CHRM3: variants seen among roughly 807,000 people sequenced by gnomAD.
The protein encoded by CHRM3 is muscarinic acetylcholine receptor M3.
CHRM3 carries 11 observed loss-of-function variants against 41.8 expected under a neutral mutation model. The observed-to-expected ratio is 0.26, with a 90% confidence interval of 0.17 to 0.44. The LOEUF (loss-of-function observed/expected upper bound fraction) is 0.44. CHRM3 is among the 20% of genes least tolerant of loss of function. CHRM3 has a pLI of 1.00. For synonymous variants in CHRM3, 297 were observed against 301.4 expected, an observed-to-expected ratio of 0.99 and a Z score of 0.15; for missense variants, 571 against 745.4, an observed-to-expected ratio of 0.77 and a Z score of 2.72.
Position 239,387,549 on chromosome 1 carries a change from G to A in CHRM3, c.-521+322G>A, listed in dbSNP as rs1297263777. On this transcript the variant is annotated intron_variant, in intron 1 of 6. Coordinates refer to ENST00000676153, the MANE Select transcript of CHRM3 (RefSeq NM_001375978.1). This position sits in a 1 kb window ranked among gnomAD's most constrained non-coding sequence, Gnocchi z 5.1. ...CGAGCGGTGGCCGGGAGAGAGTCGG[G>A]GACGTCCCACCCCGCTCTCCCTCGC... is the stretch of plus-strand genomic sequence containing the variant. Among the ~76,000 whole-genome samples, 6 of 151,908 alleles carry A rather than the reference G, an allele frequency of 3.9e-5. No homozygotes were observed. The highest frequency in any genetic ancestry group is 7.4e-5 in the Non-Finnish European group (5 of 67,994).
intron 4 of CHRM3, among the ~76,000 whole-genome samples, chr1:239,669,937 A>G (rs1045547790): frequency 1.3e-5 from 2 of 152,216 alleles, no homozygotes; most frequent in Non-Finnish European, 1.5e-5. Flanking sequence ...GGATTATTTT[A>G]GAAACAAACA....
intron 1 of CHRM3, among the ~76,000 whole-genome samples, chr1:239,403,976 G>GGGGAGAGAGAGAGAGAGAGA (rs1417317293): frequency 2.2e-5 from 1 of 46,488 alleles, no homozygotes; most frequent in Non-Finnish European, 3.9e-5. Context: ...AGAGGGAGGG[G>GGGGAGAGAGAGAGAGAGAGA]GAGAGAGAGA....
intron 1 of CHRM3, among the ~76,000 whole-genome samples, chr1:239,428,177 A>T (rs1486364332): frequency 6.6e-6 from 1 of 152,230 alleles, no homozygotes; most frequent in Non-Finnish European, 1.5e-5. Flanking sequence ...CCATGACATT[A>T]TCCAAGGAAG....
intron 1 of CHRM3, among the ~76,000 whole-genome samples, chr1:239,402,674 C>T (rs1334400500): frequency 6.6e-6 from 1 of 152,124 alleles, no homozygotes; most frequent in Non-Finnish European, 1.5e-5. Flanking sequence ...AATATTAGGC[C>T]TGAAGTCCTC....
At chr1:239,848,738 C>T (rs1674473759) in intron 6 of CHRM3, among the ~76,000 whole-genome samples, 1 of 152,086 alleles carries the variant, frequency 6.6e-6, no homozygotes, top group Non-Finnish European at 1.5e-5. Context: ...GAACTCATTT[C>T]TGGAAGAGAC....
chr1:239,666,187 CCTGA>C (rs1673779412), intron 4 of CHRM3, among the ~76,000 whole-genome samples: 2 of 119,578 alleles, frequency 1.7e-5, no homozygotes, highest in African/African-American at 6.5e-5. Flanking sequence ...TCTGTTGTTG[CCTGA>C]CTTTTTTTTT....
In CHRM3 at chr1:239,913,613, A is replaced by G. The variant is rs906144112; in HGVS notation, c.*4389A>G. ...GAAAGGTTTCTAGAATGGTAACCCA[A>G]TGTTCTTTAGAACTGGAGAATTCCA... On this transcript the variant is annotated 3_prime_UTR_variant, in exon 7 of 7. Transcript: ENST00000676153. 3.0e-5 allele frequency: 5 copies of G among 167,034 alleles called. No homozygotes were observed. The highest frequency in any genetic ancestry group is 2.0e-4 in the Admixed American group (3 of 15,276). The allele number at this position is 167,034 out of a possible 1,614,324, so 10.3% of individuals were successfully genotyped here.
intron 5 of CHRM3, among the ~76,000 whole-genome samples, chr1:239,699,352 GC>G (rs1660480264): frequency 6.6e-6 from 1 of 152,012 alleles, no homozygotes; most frequent in Admixed American, 6.6e-5. Flanking sequence ...TTGGTTCAAT[GC>G]CCTCTTATAA....
chr1:239,689,711 A>T (rs1045785878), intron 5 of CHRM3, among the ~76,000 whole-genome samples: 2 of 152,202 alleles, frequency 1.3e-5, no homozygotes, highest in Admixed American at 1.3e-4. Flanking sequence ...ATTGATGCTA[A>T]CACAGCAAAT....
At chr1:239,484,463 A>T (rs948798818) in intron 1 of CHRM3, among the ~76,000 whole-genome samples, 2 of 152,182 alleles carry the variant, frequency 1.3e-5, no homozygotes, top group Non-Finnish European at 2.9e-5. Flanking sequence ...TTACATTGGA[A>T]CATGAGATTT....
intron 3 of CHRM3, among the ~76,000 whole-genome samples, chr1:239,627,598 C>T (rs1360531057): frequency 4.4e-5 from 6 of 137,536 alleles, no homozygotes; most frequent in Admixed American, 7.3e-5. Flanking sequence ...TTCCTAGTCT[C>T]GATGGTCTTT....
At chr1:239,552,659 AT>A (rs1413425326) in intron 3 of CHRM3, among the ~76,000 whole-genome samples, 6 of 145,244 alleles carry the variant, frequency 4.1e-5, no homozygotes, top group Non-Finnish European at 7.5e-5. Context: ...TATTATTATT[AT>A]TAATTATTTT....
chr1:239,433,499 G>A (rs776986256), intron 1 of CHRM3, among the ~76,000 whole-genome samples: 93 of 152,216 alleles, frequency 6.1e-4, no homozygotes, highest in African/African-American at 2.2e-3. Flanking sequence ...GGGAACAGGT[G>A]GTGTTTGGTT....
chr1:239,800,339 C>T (rs1278485050), intron 5 of CHRM3, among the ~76,000 whole-genome samples: 2 of 152,176 alleles, frequency 1.3e-5, no homozygotes, highest in Non-Finnish European at 2.9e-5. Context: ...TAGAAAACTC[C>T]CAAGAGAAGT....
chr1:239,410,762 C>G (rs538432430), intron 1 of CHRM3, among the ~76,000 whole-genome samples: 4 of 152,306 alleles, frequency 2.6e-5, no homozygotes, highest in East Asian at 1.9e-4. Flanking sequence ...TTGACTCATC[C>G]GCTTTCTCTA....
chr1:239,544,652 G>A (rs1659112439), intron 2 of CHRM3, among the ~76,000 whole-genome samples: 1 of 152,116 alleles, frequency 6.6e-6, no homozygotes, highest in Non-Finnish European at 1.5e-5. Flanking sequence ...TGTTGTTGCT[G>A]TTCATTCATT....
intron 3 of CHRM3, among the ~76,000 whole-genome samples, chr1:239,569,570 T>C (rs1264121563): frequency 6.6e-6 from 1 of 152,216 alleles, no homozygotes; most frequent in Admixed American, 6.5e-5. Context: ...ATCATATCTT[T>C]TGGAGTTTAA....
chr1:239,416,191 A>G (rs1289057736), intron 1 of CHRM3, among the ~76,000 whole-genome samples: 1 of 152,190 alleles, frequency 6.6e-6, no homozygotes, highest in East Asian at 1.9e-4. Context: ...TATTAAATAA[A>G]AGTTTTGTTT....
At chr1:239,460,686 G>T (rs890167887) in intron 1 of CHRM3, among the ~76,000 whole-genome samples, 11 of 151,974 alleles carry the variant, frequency 7.2e-5, no homozygotes, top group African/African-American at 2.4e-4. Flanking sequence ...AAGTAGATAA[G>T]GGAAATAATG....
Sources: gnomAD v4.1 joint callset for allele counts (sites outside exome capture counted in the v4.1 genomes callset) on GRCh38, gnomAD v4.1.1 for gene constraint, Gnocchi (gnomAD v3.1) non-coding constraint, MANE v1.5 for transcripts, NCBI Gene and HGNC (gene_info 2026-07-23, HGNC 2026-07-21) for gene names.